SRD5A3: variants seen among roughly 807,000 people sequenced by gnomAD.
SRD5A3 encodes the protein steroid 5 alpha-reductase 3.
Under a neutral mutation model 34.3 loss-of-function variants are expected in SRD5A3, and 24 were observed. The observed-to-expected ratio is 0.70, with a 90% CI of 0.51 to 0.99. The LOEUF (loss-of-function observed/expected upper bound fraction) is 0.99, where lower values mean the gene tolerates loss of function less well. Among genes scored for constraint, SRD5A3 ranks in the 50% least tolerant of loss-of-function variants. SRD5A3 has a pLI of 0.00. For missense variants in SRD5A3, 350 were observed against 388.2 expected (o/e 0.90, Z 0.83); for synonymous variants, 161 against 167.3 (o/e 0.96, Z 0.29).
chr4:55,353,611 C>T (rs898564843), intron 1 of SRD5A3, among the ~76,000 whole-genome samples: 2 of 152,210 alleles, frequency 1.3e-5, no homozygotes, highest in Non-Finnish European at 2.9e-5. Flanking sequence ...CTCTTTGGGT[C>T]TGCACTACCT....
At chr4:55,362,883 A>G (rs1008627361) in intron 2 of SRD5A3, among the ~76,000 whole-genome samples, 4 of 140,014 alleles carry the variant, frequency 2.9e-5, no homozygotes, top group Non-Finnish European at 4.6e-5. Context: ...GTCTTGCTCT[A>G]TCTCCCAGGC....
Position 55,372,202 on chromosome 4 carries a change from G to T in SRD5A3, c.*2111G>T, listed in dbSNP as rs886059477. ...AAGTGTAATTTTTAATAAATTATTT[G>T]GAGAAAAATGTATTTTATTTTAGCA... On this transcript the variant is annotated 3_prime_UTR_variant, in exon 5 of 5. Transcript: ENST00000264228. 10 of 152,116 alleles carry T rather than the reference G, an allele frequency of 6.6e-5. No homozygotes were observed. Among genetic ancestry groups the T allele is most frequent in the Non-Finnish European group, 1.5e-5 (1 of 68,026 alleles). 9.4% of individuals were successfully genotyped at this position (152,116 alleles called of 1,614,324 possible). A position where few individuals can be genotyped will look rare whatever the true frequency, so the allele number is the denominator to read the frequency against.
At chr4:55,360,650 G>C (rs13114397) in intron 2 of SRD5A3, among the ~76,000 whole-genome samples, 2 of 150,616 alleles carry the variant, frequency 1.3e-5, no homozygotes, top group Non-Finnish European at 2.9e-5. Context: ...TAGCCTTTAA[G>C]TTTGCCATCC....
chr4:55,365,147 A>T (rs1378543168), intron 3 of SRD5A3, among the ~76,000 whole-genome samples: 3 of 151,678 alleles, frequency 2.0e-5, no homozygotes, highest in Non-Finnish European at 4.4e-5. Context: ...GTCAGTCTAG[A>T]CCCCGTAGGT....
intron 1 of SRD5A3, among the ~76,000 whole-genome samples, chr4:55,357,202 C>A (rs950016027): frequency 6.6e-6 from 1 of 152,046 alleles, no homozygotes; most frequent in African/African-American, 2.4e-5. Flanking sequence ...AGTTGTTGAC[C>A]GTCTGACTCC....
At chr4:55,351,613 T>G (rs1719196375) in intron 1 of SRD5A3, among the ~76,000 whole-genome samples, 1 of 151,628 alleles carries the variant, frequency 6.6e-6, no homozygotes, top group Admixed American at 6.6e-5. Flanking sequence ...GCCGAGACTG[T>G]GCCACTGCAC....
At chr4:55,360,486 AAC>A (rs1315344260) in intron 2 of SRD5A3, among the ~76,000 whole-genome samples, 6 of 152,108 alleles carry the variant, frequency 3.9e-5, no homozygotes, top group Non-Finnish European at 8.8e-5. Flanking sequence ...ACGCCTGGGC[AAC>A]AGAGGGAGAC....
chr4:55,356,535 A>G (rs976602215), intron 1 of SRD5A3, among the ~76,000 whole-genome samples: 2 of 152,024 alleles, frequency 1.3e-5, no homozygotes, highest in Non-Finnish European at 1.5e-5. Flanking sequence ...CCCAGGCTGG[A>G]GTGCTGTGGC....
At chr4:55,363,382 C>G (rs189850523) in intron 2 of SRD5A3, among the ~76,000 whole-genome samples, 1 of 152,200 alleles carries the variant, frequency 6.6e-6, no homozygotes, top group East Asian at 1.9e-4. Flanking sequence ...TGCAGTGAGG[C>G]CTGACTGTGC....
intron 1 of SRD5A3, among the ~76,000 whole-genome samples, chr4:55,354,972 G>A (rs1719391194): frequency 6.6e-6 from 1 of 152,204 alleles, no homozygotes; most frequent in African/African-American, 2.4e-5. Context: ...TCAGCACCTT[G>A]TATTATCCTA....
chr4:55,367,851 C>T, intron 4 of SRD5A3, 129 bp downstream of exon 4: 3 of 1,200,618 alleles, frequency 2.5e-6, no homozygotes, highest in Non-Finnish European at 3.6e-6. Context: ...TGGCAAGACA[C>T]TTCTCTGGGC....
chr4:55,362,004 A>G (rs1348897271), intron 2 of SRD5A3, among the ~76,000 whole-genome samples: 1 of 152,204 alleles, frequency 6.6e-6, no homozygotes, highest in African/African-American at 2.4e-5. Context: ...GTTAAAACTA[A>G]GTTTTAGTTC....
chr4:55,353,843 C>G (rs558996193), intron 1 of SRD5A3, among the ~76,000 whole-genome samples: 2 of 152,296 alleles, frequency 1.3e-5, no homozygotes, highest in East Asian at 3.9e-4. Flanking sequence ...GGAACAAACT[C>G]TGGACACACC....
At position 55,371,105 on chromosome 4, in the gene SRD5A3, A is replaced by G. The variant is rs1720112079; in HGVS notation, c.*1014A>G. ...TACATCCTTTGAAGGGAGTGCTTCA[A>G]AAATGAAAGCATCAGAAGATAAAAT... On this transcript the variant is annotated 3_prime_UTR_variant, in exon 5 of 5. Coordinates refer to ENST00000264228, the MANE Select transcript of SRD5A3 (RefSeq NM_024592.5). The G allele has an allele frequency of 6.6e-6, 1 of 152,204 alleles. No individual in the cohort carries two copies. The highest frequency in any genetic ancestry group is 2.1e-4 in the South Asian group (1 of 4,834). The allele number at this position is 152,204 out of a possible 1,614,324, so 9.4% of individuals were successfully genotyped here. A position where few individuals can be genotyped will look rare whatever the true frequency, so the allele number is the denominator to read the frequency against.
intron 1 of SRD5A3, among the ~76,000 whole-genome samples, chr4:55,350,760 ATTTTTTT>A (rs71194541): frequency 1.0e-5 from 1 of 95,404 alleles, no homozygotes; most frequent in Non-Finnish European, 2.2e-5. Flanking sequence ...CCATCATTAA[ATTTTTTT>A]TTTTTTTTTT....
At chr4:55,363,886 T>G (rs1719778319) in intron 2 of SRD5A3, 188 bp from the exon 3 acceptor site, 1 of 659,638 alleles carries the variant, frequency 1.5e-6, no homozygotes, top group East Asian at 2.6e-5. Flanking sequence ...CAGTGAACTG[T>G]GTAACACAGT....
Position 55,370,380 on chromosome 4 carries a change from A to G in SRD5A3, c.*289A>G, listed in dbSNP as rs1720079098. ...GATAAAAAGTAGATGAGACTTCTCCAAGCTGCTTCACAAGCAAACTAACCG... is the reference window on the plus strand; with the variant it reads ...GATAAAAAGTAGATGAGACTTCTCCGAGCTGCTTCACAAGCAAACTAACCG... On this transcript the variant is annotated 3_prime_UTR_variant, in exon 5 of 5. Coordinates refer to ENST00000264228, the MANE Select transcript of SRD5A3 (RefSeq NM_024592.5). 1 of 453,044 alleles carries G rather than the reference A, an allele frequency of 2.2e-6. No homozygotes were observed. The highest frequency in any genetic ancestry group is 4.0e-6 in the Non-Finnish European group (1 of 247,272). The allele number at this position is 453,044 out of a possible 1,614,324, so 28.1% of individuals were successfully genotyped here.
Position 55,364,222 on chromosome 4 carries a change from C to G in SRD5A3, c.513C>G (p.Val171=). The G allele has an allele frequency of 6.2e-7, 1 of 1,614,060 alleles. No individual in the cohort carries two copies. Among genetic ancestry groups the G allele is most frequent in the East Asian group, 2.2e-5 (1 of 44,866 alleles). Residue 171 remains valine (V), a synonymous_variant, in exon 3 of 5, where the codon GTC becomes GTG. Coordinates refer to ENST00000264228, the MANE Select transcript of SRD5A3 (RefSeq NM_024592.5). ...ACTGTTTTGGACTTGTCTATTATGT[C>G]CTTGTTGGCCTAACTGTGCTGAGCC... ...VQYCFGLVYY[V]LVGLTVLSQV...
Position 55,372,795 on chromosome 4 carries a change from G to A in SRD5A3, c.*2704G>A, listed in dbSNP as rs1479477286. ...TCCCTTGATTAACTACTGACTAAAA[G>A]TGTGCTGAAAATGGCCTTTGTTTTT... On this transcript the variant is annotated 3_prime_UTR_variant, in exon 5 of 5. Coordinates refer to ENST00000264228, the MANE Select transcript of SRD5A3 (RefSeq NM_024592.5). 6.6e-6 allele frequency: 1 copy of A among 152,080 alleles called. No homozygotes were observed. Among genetic ancestry groups the A allele is most frequent in the African/African-American group, 2.4e-5 (1 of 41,424 alleles). The allele number at this position is 152,080 out of a possible 1,614,324, so 9.4% of individuals were successfully genotyped here.
Sources: allele counts gnomAD v4.1 joint callset (sites outside exome capture counted in the v4.1 genomes callset), GRCh38; gene constraint gnomAD v4.1.1; transcripts MANE v1.5; gene names NCBI Gene and HGNC (gene_info 2026-07-23, HGNC 2026-07-21).